Variants in SEC14L3 observed in about 807,000 individuals in gnomAD.
The protein encoded by SEC14L3 is SEC14-like protein 3.
In SEC14L3, 56 loss-of-function variants were observed where a neutral mutation model predicts 57.4. The observed-to-expected ratio is 0.97, with a 90% CI of 0.79 to 1.22. The LOEUF (loss-of-function observed/expected upper bound fraction) is 1.22. Ranked by LOEUF, SEC14L3 falls within the 50% of genes most tolerant of loss-of-function variation. SEC14L3 has a pLI of 0.00. For synonymous variants in SEC14L3, 173 were observed against 194.4 expected, an observed-to-expected ratio of 0.89 and a Z score of 0.92; for missense variants, 485 against 511.7, an observed-to-expected ratio of 0.95 and a Z score of 0.50.
At chr22:30,449,485 G>A (rs906051291) in intron 12 of SEC14L3, among the ~76,000 whole-genome samples, 8 of 151,956 alleles carry the variant, frequency 5.3e-5, no homozygotes, top group African/African-American at 1.9e-4. Flanking sequence ...TGGTCAAGCT[G>A]TAACTTAGCC....
chr22:30,459,642 A>C lies in SEC14L3; in HGVS notation c.*379T>G, dbSNP rs1219924785. 1 of 1,004,954 alleles carries C rather than the reference A, an allele frequency of 1.0e-6. No homozygotes were observed. Among genetic ancestry groups the C allele is most frequent in the African/African-American group, 1.7e-5 (1 of 58,270 alleles). The allele number at this position is 1,004,954 out of a possible 1,614,324, so 62.3% of individuals were successfully genotyped here. ...CTACTATATATAGGGAGTGGAAGTA[A>C]AAAGGATTTAGATATGTCTCCAACC... is the stretch of plus-strand genomic sequence containing the variant. On this transcript the variant is annotated 3_prime_UTR_variant, in exon 12 of 12. Transcript: ENST00000215812.
At chr22:30,469,666 G>A (rs931899558) in intron 4 of SEC14L3, among the ~76,000 whole-genome samples, 1 of 152,190 alleles carries the variant, frequency 6.6e-6, no homozygotes, top group African/African-American at 2.4e-5. Context: ...TGGTGGTTAC[G>A]AGCCTGGGTT....
At chr22:30,471,598 A>G (rs916433743) in intron 1 of SEC14L3, among the ~76,000 whole-genome samples, 2 of 152,132 alleles carry the variant, frequency 1.3e-5, no homozygotes, top group African/African-American at 4.8e-5. Context: ...GGAGGGAGGA[A>G]CGGGGGTACC....
chr22:30,468,954 C>A, intron 4 of SEC14L3: 1 of 1,438,380 alleles, frequency 7.0e-7, no homozygotes, highest in Non-Finnish European at 9.1e-7. Context: ...CTCCCGTGTC[C>A]CTTTCTGTGG....
chr22:30,470,128 G>A (rs1935556006), intron 3 of SEC14L3, 50 bp from the exon 4 acceptor site: 1 of 1,610,998 alleles, frequency 6.2e-7, no homozygotes, highest in South Asian at 1.1e-5. Context: ...AGTGCCCTGA[G>A]AACAGGGATG....
At chr22:30,462,708 C>A (rs1232426871) in intron 8 of SEC14L3, among the ~76,000 whole-genome samples, 1 of 151,402 alleles carries the variant, frequency 6.6e-6, no homozygotes, top group Non-Finnish European at 1.5e-5. Flanking sequence ...CAGGTGTAAG[C>A]CACCATCACC....
Position 30,461,490 on chromosome 22 carries a change from G to C in SEC14L3, c.912-11C>G, listed in dbSNP as rs769312462. ...GATGAGAACTGCCACCTGTCAGGGGGAGGGGGAGGAGACAGGTTGCTGCTC... is the reference window on the plus strand; with the variant it reads ...GATGAGAACTGCCACCTGTCAGGGGCAGGGGGAGGAGACAGGTTGCTGCTC... On this transcript the variant is annotated splice_polypyrimidine_tract_variant and intron_variant, in intron 10 of 11. Coordinates refer to ENST00000215812, the MANE Select transcript of SEC14L3 (RefSeq NM_174975.5). 1 of 1,611,594 alleles carries C rather than the reference G, an allele frequency of 6.2e-7. No individual in the cohort carries two copies. The highest frequency in any genetic ancestry group is 1.7e-5 in the Admixed American group (1 of 59,980).
At chr22:30,467,211 G>A in intron 5 of SEC14L3, 134 bp from the exon 6 acceptor site, 2 of 1,186,802 alleles carry the variant, frequency 1.7e-6, no homozygotes, top group Non-Finnish European at 2.3e-6. Flanking sequence ...AGACTAACCA[G>A]TGAATGCATT....
chr22:30,454,877 ATTAT>A (rs1569225357), downstream of SEC14L3, among the ~76,000 whole-genome samples: 82 of 20,364 alleles, frequency 4.0e-3, 3 homozygotes, highest in South Asian at 9.3e-3. Context: ...TACATAATAT[ATTAT>A]TATATATTAT....
intron 9 of SEC14L3, 53 bp downstream of exon 9, chr22:30,462,033 G>A: frequency 6.4e-7 from 1 of 1,556,446 alleles, no homozygotes; most frequent in Non-Finnish European, 8.8e-7. Context: ...AGTGGAAAGG[G>A]AATCCAGCTT....
intron 8 of SEC14L3, among the ~76,000 whole-genome samples, chr22:30,463,298 T>C (rs960342549): frequency 1.3e-5 from 2 of 152,260 alleles, no homozygotes; most frequent in Non-Finnish European, 2.9e-5. Context: ...TTCTGGGTCC[T>C]GGCTGTTACC....
At chr22:30,469,091 A>G in intron 4 of SEC14L3, 1 of 619,094 alleles carries the variant, frequency 1.6e-6, no homozygotes, top group Non-Finnish European at 2.4e-6. Flanking sequence ...GTTGAGGCAG[A>G]TGGGATCTCC....
chr22:30,455,084 A>G (rs1407654164), downstream of SEC14L3, among the ~76,000 whole-genome samples: 1 of 78,494 alleles, frequency 1.3e-5, no homozygotes, highest in Non-Finnish European at 2.2e-5. Flanking sequence ...AATATATTAA[A>G]TATTTAATAT....
Position 30,461,488 on chromosome 22 carries a change from G to C in SEC14L3, c.912-9C>G, listed in dbSNP as rs201524994. ...CAGATGAGAACTGCCACCTGTCAGG[G>C]GGAGGGGGAGGAGACAGGTTGCTGC... On this transcript the variant is annotated splice_polypyrimidine_tract_variant and intron_variant, in intron 10 of 11. Coordinates refer to ENST00000215812, the MANE Select transcript of SEC14L3 (RefSeq NM_174975.5). 62 of 1,611,468 alleles carry C rather than the reference G, an allele frequency of 3.8e-5. 1 individual carries two copies. The African/African-American group carries it at 4.8e-4, about 12-fold the overall frequency.
chr22:30,455,064 TATAA>T (rs1169940678), downstream of SEC14L3, among the ~76,000 whole-genome samples: 1 of 35,532 alleles, frequency 2.8e-5, no homozygotes. Context: ...ATATATTATA[TATAA>T]TATATAATAT....
downstream of SEC14L3, among the ~76,000 whole-genome samples, chr22:30,456,470 T>C (rs1935122957): frequency 6.6e-6 from 1 of 151,944 alleles, no homozygotes; most frequent in African/African-American, 2.4e-5. Flanking sequence ...CGTTTACTCA[T>C]AGCAGAAGAG....
In SEC14L3 at chr22:30,468,450, A is replaced by G. The variant is rs906581891; in HGVS notation, c.423+58T>C. 2.5e-5 allele frequency: 34 copies of G among 1,360,908 alleles called. No homozygotes were observed. The African/African-American group carries it at 2.9e-4, about 11-fold the overall frequency. 84.3% of individuals were successfully genotyped at this position (1,360,908 alleles called of 1,614,324 possible). On this transcript the variant is annotated intron_variant, in intron 5 of 11. Transcript: ENST00000215812. ...GAACACAGGTGTGTTTCTGAGACCA[A>G]TCCCCCCGGCAGCCTCACCTGCCCC...
intron 5 of SEC14L3, among the ~76,000 whole-genome samples, chr22:30,467,822 C>T (rs181823631): frequency 7.2e-5 from 11 of 152,346 alleles, no homozygotes; most frequent in South Asian, 6.2e-4. Context: ...ATATTAGGCC[C>T]TGTGTGCTAA....
At chr22:30,454,955 CATATAATAGATATATAAT>C (rs1935078789), downstream of SEC14L3, among the ~76,000 whole-genome samples, 2 of 26,302 alleles carry the variant, frequency 7.6e-5, no homozygotes, top group Non-Finnish European at 1.2e-4. Flanking sequence ...TATTATATAT[CATATAATAGATATATAAT>C]ATATTATTAT....
Sources: allele counts gnomAD v4.1 joint callset (sites outside exome capture counted in the v4.1 genomes callset), GRCh38; gene constraint gnomAD v4.1.1; transcripts MANE v1.5; gene names NCBI Gene and HGNC (gene_info 2026-07-23, HGNC 2026-07-21).